The following MYO9A variants were observed in gnomAD, a reference collection of about 807,000 sequenced individuals.
MYO9A encodes the protein myosin IXA, also known as unconventional myosin-IXa.
Under a neutral mutation model 293.3 loss-of-function variants are expected in MYO9A, and 103 were observed. That is an observed-to-expected ratio of 0.35 (90% CI 0.30 to 0.41). The LOEUF is 0.41. Ranked by LOEUF, MYO9A falls within the 10% of genes least tolerant of loss-of-function variation. The probability of loss-of-function intolerance (pLI) is 1.00; values close to 1 mark genes in which losing one functional copy is unlikely to be tolerated. For synonymous variants in MYO9A, 1,001 were observed against 1,035.7 expected, an observed-to-expected ratio of 0.97 and a Z score of 0.64; for missense variants, 2,685 against 3,033.0, an observed-to-expected ratio of 0.89 and a Z score of 2.69.
chr15:72,101,100 CG>C (rs1225374079), intron 1 of MYO9A, among the ~76,000 whole-genome samples: 1 of 140,900 alleles, frequency 7.1e-6, no homozygotes, highest in Non-Finnish European at 1.6e-5. Flanking sequence ...CCAGCCGCCC[CG>C]TCCGGGAGGG....
chr15:72,102,255 G>A (rs1230397986), intron 1 of MYO9A, among the ~76,000 whole-genome samples: 1 of 150,538 alleles, frequency 6.6e-6, no homozygotes, highest in African/African-American at 2.4e-5. Flanking sequence ...GGCGGTGCAA[G>A]ATGTGCTTTG....
chr15:71,845,480 A>G (rs1485153427), intron 39 of MYO9A, among the ~76,000 whole-genome samples: 1 of 152,226 alleles, frequency 6.6e-6, no homozygotes. Flanking sequence ...GATGTCCTCA[A>G]AACCATTTCA....
chr15:71,913,101 A>G (rs1389050009), intron 19 of MYO9A, among the ~76,000 whole-genome samples: 1 of 151,710 alleles, frequency 6.6e-6, no homozygotes, highest in Non-Finnish European at 1.5e-5. Context: ...ATCTCCTGAG[A>G]TTCCAATTAC....
chr15:72,021,184 A>T lies in MYO9A; in HGVS notation c.999-167T>A, dbSNP rs550115864. Among the ~76,000 whole-genome samples the T allele has an allele frequency of 3.9e-5, 6 of 152,304 alleles. No individual in the cohort carries two copies. The East Asian group carries it at 1.2e-3, about 29-fold the overall frequency. On this transcript the variant is annotated intron_variant, in intron 4 of 41. Coordinates refer to ENST00000356056, the MANE Select transcript of MYO9A (RefSeq NM_006901.4). Reference sequence around the variant, plus strand: ...TTTAAGTACTCCTAAAAATTGAATGATGTTTTGGATGTGGAATACAAAAGA... The same window carrying T: ...TTTAAGTACTCCTAAAAATTGAATGTTGTTTTGGATGTGGAATACAAAAGA...
At chr15:71,918,364 T>G (rs1255606150) in intron 18 of MYO9A, among the ~76,000 whole-genome samples, 1 of 152,170 alleles carries the variant, frequency 6.6e-6, no homozygotes, top group African/African-American at 2.4e-5. Flanking sequence ...TGAAAAATTA[T>G]AGATATGCAA....
In MYO9A at chr15:71,833,074, G is replaced by GA. The variant is rs2054793647; in HGVS notation, c.6838-2764dup. ...AGAGCAAAAAAGGCAAGGAAGAAAA[G>GA]AAAAAGGAACATATATCAGGCAGGA... On this transcript the variant is annotated intron_variant, in intron 39 of 41. Transcript: ENST00000356056. 2.6e-5 allele frequency among the ~76,000 whole-genome samples: 4 copies of GA among 151,752 alleles called. No individual in the cohort carries two copies. In the South Asian group the frequency reaches 8.3e-4, roughly 32 times the overall value.
chr15:71,959,848 TAA>T (rs5813671), intron 14 of MYO9A, 51 bp downstream of exon 14: 5,911 of 1,136,984 alleles, frequency 5.2e-3, no homozygotes, highest in African/African-American at 6.3e-3. Flanking sequence ...AGTAGAAAGG[TAA>T]AAAAAAAAAA....
At chr15:71,956,435 T>C (rs759974850) in intron 14 of MYO9A, among the ~76,000 whole-genome samples, 1 of 144,892 alleles carries the variant, frequency 6.9e-6, no homozygotes, top group Non-Finnish European at 1.5e-5. Flanking sequence ...GGTCAGGAGT[T>C]GAAGACCAGT....
intron 1 of MYO9A, among the ~76,000 whole-genome samples, chr15:72,078,161 C>T (rs1001724024): frequency 1.3e-5 from 2 of 152,118 alleles, no homozygotes; most frequent in Non-Finnish European, 2.9e-5. Context: ...AATCTACCAA[C>T]CATGCTCACT....
chr15:71,955,032 AC>A (rs373709182), intron 14 of MYO9A, among the ~76,000 whole-genome samples: 15 of 151,514 alleles, frequency 9.9e-5, no homozygotes, highest in African/African-American at 1.7e-4. Context: ...CATTTCTATC[AC>A]CCCCCCAAGT....
intron 6 of MYO9A, among the ~76,000 whole-genome samples, chr15:72,017,071 A>G (rs574559624): frequency 5.3e-5 from 6 of 113,396 alleles, no homozygotes; most frequent in African/African-American, 2.0e-4. Context: ...CCCACGCTGG[A>G]GTGTAATGGT....
At chr15:72,061,733 AT>A (rs1297910457) in intron 1 of MYO9A, among the ~76,000 whole-genome samples, 1 of 152,052 alleles carries the variant, frequency 6.6e-6, no homozygotes, top group Non-Finnish European at 1.5e-5. Context: ...CCCAGCCAGC[AT>A]TTCCAGACTC....
chr15:71,867,672 T>G (rs2056376005), intron 32 of MYO9A, among the ~76,000 whole-genome samples: 2 of 145,278 alleles, frequency 1.4e-5, no homozygotes, highest in South Asian at 4.3e-4. Context: ...GAAAAGCAAA[T>G]AAAAACTGTG....
intron 1 of MYO9A, among the ~76,000 whole-genome samples, chr15:72,081,323 G>C (rs1173583744): frequency 6.6e-6 from 1 of 152,184 alleles, no homozygotes. Context: ...CAGTGATGTT[G>C]AGTGTTTTTC....
At chr15:71,951,616 A>C in intron 15 of MYO9A, 161 bp downstream of exon 15, 1 of 699,792 alleles carries the variant, frequency 1.4e-6, no homozygotes, top group Non-Finnish European at 2.2e-6. Flanking sequence ...TATTTTCAAA[A>C]GAAAGTACTA....
Position 71,951,771 on chromosome 15 carries a change from C to A in MYO9A, c.2302+6G>T, listed in dbSNP as rs763680533. The A allele has an allele frequency of 1.1e-5, 18 of 1,613,482 alleles. No individual in the cohort carries two copies. The highest frequency in any genetic ancestry group is 1.4e-5 in the Non-Finnish European group (17 of 1,179,822). ...GATAACAGTTTATCAGGATTTGTAG[C>A]CTTACTGTACTTCTCTTCCTTGCAT... On this transcript the variant is annotated splice_donor_region_variant and intron_variant, in intron 15 of 41. Transcript: ENST00000356056.
intron 13 of MYO9A, among the ~76,000 whole-genome samples, chr15:71,965,269 T>C (rs944084857): frequency 3.9e-5 from 6 of 152,150 alleles, no homozygotes; most frequent in Non-Finnish European, 5.9e-5. Context: ...GCTATTTGTA[T>C]TGATTTTGTG....
chr15:71,832,177 G>A (rs890708426), intron 39 of MYO9A, among the ~76,000 whole-genome samples: 1 of 152,162 alleles, frequency 6.6e-6, no homozygotes, highest in Non-Finnish European at 1.5e-5. Flanking sequence ...TCAGGATGCT[G>A]AGGTAAGAGC....
At chr15:71,893,826 C>T (rs1212908956) in intron 25 of MYO9A, 48 bp from the exon 26 acceptor site, 1 of 1,472,298 alleles carries the variant, frequency 6.8e-7, no homozygotes. Flanking sequence ...GCAGATATCC[C>T]ATGGCAGCCA....
Sources: gnomAD v4.1 joint callset for allele counts (sites outside exome capture counted in the v4.1 genomes callset) on GRCh38, gnomAD v4.1.1 for gene constraint, MANE v1.5 for transcripts, NCBI Gene and HGNC (gene_info 2026-07-23, HGNC 2026-07-21) for gene names.